The following MTAP variants were observed in gnomAD, a reference collection of about 807,000 sequenced individuals.
MTAP encodes methylthioadenosine phosphorylase.
Under a neutral mutation model 33.6 loss-of-function variants are expected in MTAP, and 33 were observed. The ratio of observed to expected loss-of-function variants is 0.98; its 90% CI spans 0.74 to 1.31. The LOEUF (loss-of-function observed/expected upper bound fraction) is 1.31. MTAP is among the 40% of genes most tolerant of loss of function. The probability of loss-of-function intolerance (pLI) is 0.00; values close to 1 mark genes in which losing one functional copy is unlikely to be tolerated. For synonymous variants in MTAP, 148 were observed against 125.7 expected (o/e 1.18, Z -1.19); for missense variants, 367 against 360.0 (o/e 1.02, Z -0.16).
chr9:21,903,824 C>T (rs1003927976), intron 1 of MTAP, among the ~76,000 whole-genome samples: 14 of 152,168 alleles, frequency 9.2e-5, no homozygotes, highest in Admixed American at 7.2e-4. Context: ...TTTACAGCTC[C>T]TGAAGCCCTA....
chr9:21,941,004 C>T, downstream of MTAP: 1 of 984,972 alleles, frequency 1.0e-6, no homozygotes, highest in East Asian at 1.1e-4. Flanking sequence ...GAGCAAAGAC[C>T]AAACATATAT....
chr9:21,895,333 T>A (rs553978050), intron 1 of MTAP, among the ~76,000 whole-genome samples: 3 of 152,340 alleles, frequency 2.0e-5, no homozygotes. Context: ...TCCATTTTCA[T>A]ACTGCTATAA....
chr9:21,818,148 T>C lies in MTAP; in HGVS notation c.293T>C (p.Leu98Ser). 1 of 1,613,812 alleles carries C rather than the reference T, an allele frequency of 6.2e-7. No individual in the cohort carries two copies. The change falls in exon 4 of 8, where the codon TTG (leucine) becomes TCG (serine). Residue 98 changes from leucine to serine, a missense_variant. Transcript: ENST00000644715. ...ATAGTGACCACAGCTTGTGGCTCCT[T>C]GAGGGAGGAGATTCAGCCCGGCGAT... ...HVIVTTACGS[L>S]REEIQPGDIV...
At chr9:21,859,498 C>T (rs1281010498) in intron 7 of MTAP, 73 bp downstream of exon 7, 12 of 1,490,356 alleles carry the variant, frequency 8.1e-6, no homozygotes, top group Non-Finnish European at 1.1e-5. Flanking sequence ...TTGCATTTCA[C>T]CTTTGGTCCT....
downstream of MTAP, among the ~76,000 whole-genome samples, chr9:21,868,407 T>A (rs1825887089): frequency 6.6e-6 from 1 of 152,188 alleles, no homozygotes; most frequent in Non-Finnish European, 1.5e-5. Flanking sequence ...TATGTAATAC[T>A]TAAATGGGTT....
downstream of MTAP, among the ~76,000 whole-genome samples, chr9:21,938,585 A>C (rs1219845684): frequency 6.6e-6 from 1 of 152,146 alleles, no homozygotes; most frequent in Admixed American, 6.5e-5. Flanking sequence ...AACTTCTACA[A>C]CTCCGATATG....
intron 4 of MTAP, among the ~76,000 whole-genome samples, chr9:21,824,251 T>C (rs1398530063): frequency 2.0e-5 from 3 of 152,204 alleles, no homozygotes; most frequent in Non-Finnish European, 4.4e-5. Context: ...CTTTGGTCTT[T>C]GATGATGGTG....
chr9:21,804,894 T>C (rs1304928580), intron 1 of MTAP, among the ~76,000 whole-genome samples: 1 of 152,238 alleles, frequency 6.6e-6, no homozygotes, highest in African/African-American at 2.4e-5. Context: ...GAGGCATTTC[T>C]GAAATCTGAA....
intron 7 of MTAP, chr9:21,859,692 A>T (rs1587255390): frequency 3.6e-6 from 1 of 276,664 alleles, no homozygotes; most frequent in Non-Finnish European, 6.7e-6. Context: ...CCTGCTCTGT[A>T]GTATCCCTAA....
At position 21,862,323 on chromosome 9, in the gene MTAP, G is replaced by A; in HGVS notation, c.*309G>A. 1 of 325,922 alleles carries A rather than the reference G, an allele frequency of 3.1e-6. No homozygotes were observed. Among genetic ancestry groups the A allele is most frequent in the East Asian group, 7.9e-5 (1 of 12,646 alleles). 20.2% of individuals were successfully genotyped at this position (325,922 alleles called of 1,614,324 possible). On this transcript the variant is annotated 3_prime_UTR_variant, in exon 8 of 8. Coordinates refer to ENST00000644715, the MANE Select transcript of MTAP (RefSeq NM_002451.4). ...AAATTTGCAACAATAAAGGGTGGAG[G>A]GTAATCTCTACTTTCCTATACTGCC... is the stretch of plus-strand genomic sequence containing the variant.
At chr9:21,927,155 C>CA (rs1334009116) in intron 1 of MTAP, among the ~76,000 whole-genome samples, 2 of 152,214 alleles carry the variant, frequency 1.3e-5, no homozygotes, top group Non-Finnish European at 2.9e-5. Flanking sequence ...TTCAGCTTTT[C>CA]ATCACTGAAA....
In MTAP at chr9:21,856,677, T is replaced by C. The variant is rs146432878; in HGVS notation, c.690+1807T>C. Among the ~76,000 whole-genome samples, 84 of 152,326 alleles carry C rather than the reference T, an allele frequency of 5.5e-4. 1 individual carries two copies. The East Asian group carries it at 0.013, about 23-fold the overall frequency. ...GAAATAGTCAGCTGGAGCTACTTTA[T>C]TGAAAAGCAGAGAAATTAAGCTCTG... On this transcript the variant is annotated intron_variant, in intron 6 of 7. Transcript: ENST00000644715.
At chr9:21,826,077 C>T (rs974381672) in intron 4 of MTAP, among the ~76,000 whole-genome samples, 20 of 151,752 alleles carry the variant, frequency 1.3e-4, no homozygotes, top group Non-Finnish European at 2.4e-4. Flanking sequence ...ACATTTTTTT[C>T]CTATCTATAG....
chr9:21,865,130 C>G lies in MTAP; in HGVS notation c.*3116C>G, dbSNP rs1205370697. On this transcript the variant is annotated 3_prime_UTR_variant, in exon 8 of 8. Coordinates refer to ENST00000644715, the MANE Select transcript of MTAP (RefSeq NM_002451.4). Reference sequence around the variant, plus strand: ...CATGTTGAATTGTAGTTCCCATAATCCCCACATGTTGTGGGAGGGACCCAG... The same window carrying G: ...CATGTTGAATTGTAGTTCCCATAATGCCCACATGTTGTGGGAGGGACCCAG... 1.0e-6 allele frequency: 1 copy of G among 974,122 alleles called. No homozygotes were observed. Among genetic ancestry groups the G allele is most frequent in the Admixed American group, 6.2e-5 (1 of 16,246 alleles). 60.3% of individuals were successfully genotyped at this position (974,122 alleles called of 1,614,324 possible).
intron 4 of MTAP, among the ~76,000 whole-genome samples, chr9:21,831,724 G>A (rs1824971480): frequency 6.6e-6 from 1 of 152,118 alleles, no homozygotes; most frequent in South Asian, 2.1e-4. Flanking sequence ...ATATCAGTAA[G>A]GAGAAGGATG....
intron 1 of MTAP, among the ~76,000 whole-genome samples, chr9:21,806,832 C>G (rs1278781836): frequency 6.6e-6 from 1 of 152,106 alleles, no homozygotes; most frequent in Non-Finnish European, 1.5e-5. Context: ...TACCATGGCT[C>G]CCCTGGGCAG....
At chr9:21,876,013 C>T (rs1038483241) in intron 1 of MTAP, among the ~76,000 whole-genome samples, 3 of 152,156 alleles carry the variant, frequency 2.0e-5, no homozygotes, top group African/African-American at 7.2e-5. Context: ...TCCCTTTTCT[C>T]CACAACCTCG....
rs1818812904 is a variant in MTAP, at chr9:21,922,952, C to T, written c.148-8056C>T. On this transcript the variant is annotated intron_variant, in intron 1 of 1. Coordinates refer to the MTAP transcript ENST00000577563. This position sits in a 1 kb window ranked among gnomAD's most constrained non-coding sequence, Gnocchi z 4.8. ...CCTCTGCTTTTTCAAATACAATTGTCTTTTTCCCCAAAACCCACACCACCT... is the reference window on the plus strand; with the variant it reads ...CCTCTGCTTTTTCAAATACAATTGTTTTTTTCCCCAAAACCCACACCACCT... Among the ~76,000 whole-genome samples, 1 of 152,156 alleles carries T rather than the reference C, an allele frequency of 6.6e-6. No homozygotes were observed. Among genetic ancestry groups the T allele is most frequent in the South Asian group, 2.1e-4 (1 of 4,822 alleles).
At chr9:21,845,333 AG>A (rs1433402896) in intron 5 of MTAP, among the ~76,000 whole-genome samples, 1 of 152,230 alleles carries the variant, frequency 6.6e-6, no homozygotes, top group African/African-American at 2.4e-5. Context: ...CAAAGTTTCA[AG>A]ATGCAAAATC....
Sources: gnomAD v4.1 joint callset for allele counts (sites outside exome capture counted in the v4.1 genomes callset) on GRCh38, gnomAD v4.1.1 for gene constraint, Gnocchi (gnomAD v3.1) non-coding constraint, MANE v1.5 for transcripts, NCBI Gene and HGNC (gene_info 2026-07-23, HGNC 2026-07-21) for gene names.